The following DENND4A variants were observed in gnomAD, a reference collection of about 807,000 sequenced individuals.
DENND4A encodes the protein DENN domain containing 4A.
DENND4A carries 70 observed loss-of-function variants against 199.3 expected under a neutral mutation model. That is an observed-to-expected ratio of 0.35 (90% CI 0.29 to 0.43). DENND4A has a LOEUF of 0.43. Ranked by LOEUF, DENND4A falls within the 20% of genes least tolerant of loss-of-function variation. The probability of loss-of-function intolerance (pLI) is 1.00; values close to 1 mark genes in which losing one functional copy is unlikely to be tolerated. For synonymous variants in DENND4A, 686 were observed against 766.9 expected (o/e 0.89, Z 1.74); for missense variants, 1,723 against 2,255.8 (o/e 0.76, Z 4.78).
Position 65,731,704 on chromosome 15 carries a change from G to A in DENND4A, c.1108-4C>T. On this transcript the variant is annotated splice_polypyrimidine_tract_variant and splice_region_variant and intron_variant, in intron 8 of 32. Coordinates refer to ENST00000443035, the MANE Select transcript of DENND4A (RefSeq NM_001320835.1). The stretch of plus-strand genomic sequence containing the variant: ...TCAGATTATCATGTGGTGATAACTG[G>A]AAGAAGATTTAAAATAAAGAATTTG... 6.5e-7 allele frequency: 1 copy of A among 1,545,550 alleles called. No homozygotes were observed. The highest frequency in any genetic ancestry group is 8.7e-7 in the Non-Finnish European group (1 of 1,143,442).
intron 18 of DENND4A, 69 bp downstream of exon 18, chr15:65,701,693 T>C (rs980160674): frequency 5.5e-6 from 8 of 1,457,854 alleles, no homozygotes; most frequent in Middle Eastern, 1.8e-4. Context: ...CCTGCATAAA[T>C]TATTTCTGCC....
chr15:65,690,287 C>G, intron 23 of DENND4A, 128 bp downstream of exon 23: 7 of 963,980 alleles, frequency 7.3e-6, no homozygotes, highest in Non-Finnish European at 9.9e-6. Flanking sequence ...ACTTACAAAA[C>G]TTACATACCC....
At position 65,785,490 on chromosome 15, in the gene DENND4A, TA is replaced by T. The variant is rs745338686; in HGVS notation, c.-102+6519del. ...GGGTGACAGAGCAACATCCTGTCTC[TA>T]AAAAAAAAAAAAAAAAAAATTATTA... On this transcript the variant is annotated intron_variant, in intron 1 of 32. Transcript: ENST00000443035. Among the ~76,000 whole-genome samples, 1,092 of 121,440 alleles carry T rather than the reference TA, an allele frequency of 9.0e-3. 5 individuals carry two copies. Among genetic ancestry groups the T allele is most frequent in the African/African-American group, 0.019 (610 of 32,858 alleles). 79.7% of individuals were successfully genotyped at this position (121,440 alleles called of 152,430 possible). A position where few individuals can be genotyped will look rare whatever the true frequency, so the allele number is the denominator to read the frequency against.
At chr15:65,708,817 C>T (rs2075145172) in intron 14 of DENND4A, among the ~76,000 whole-genome samples, 2 of 152,184 alleles carry the variant, frequency 1.3e-5, no homozygotes, top group Admixed American at 6.5e-5. Flanking sequence ...CACCATCCCA[C>T]AGGAACAGAT....
At chr15:65,770,857 A>G (rs554775800) in intron 1 of DENND4A, among the ~76,000 whole-genome samples, 53 of 152,348 alleles carry the variant, frequency 3.5e-4, no homozygotes, top group African/African-American at 1.2e-3. Flanking sequence ...TTTACATGAC[A>G]AGGGAAAAAA....
chr15:65,713,520 T>C (rs564190021), intron 14 of DENND4A, among the ~76,000 whole-genome samples: 5 of 152,366 alleles, frequency 3.3e-5, no homozygotes, highest in African/African-American at 1.2e-4. Context: ...GTCATTAATA[T>C]GCATTTTGTG....
At chr15:65,689,044 C>G (rs1177360536) in intron 23 of DENND4A, among the ~76,000 whole-genome samples, 3 of 152,126 alleles carry the variant, frequency 2.0e-5, no homozygotes, top group Non-Finnish European at 4.4e-5. Context: ...AGATATCTTT[C>G]CAGTGTCTTC....
At chr15:65,717,563 C>T (rs965508818) in intron 13 of DENND4A, among the ~76,000 whole-genome samples, 1 of 152,134 alleles carries the variant, frequency 6.6e-6, no homozygotes, top group African/African-American at 2.4e-5. Flanking sequence ...AGGCTCTATA[C>T]TTTTCTTCTG....
intron 1 of DENND4A, among the ~76,000 whole-genome samples, chr15:65,782,382 G>A (rs903186255): frequency 6.6e-6 from 1 of 152,050 alleles, no homozygotes; most frequent in African/African-American, 2.4e-5. Context: ...GTACTCTAAG[G>A]ACCCTCTTTC....
intron 6 of DENND4A, 39 bp from the exon 7 acceptor site, chr15:65,737,984 A>G (rs866819874): frequency 2.0e-6 from 3 of 1,523,322 alleles, no homozygotes; most frequent in Non-Finnish European, 8.8e-7. Flanking sequence ...TATACTTTGT[A>G]TCATATATCC....
At chr15:65,731,313 A>C in intron 9 of DENND4A, 1 of 354,286 alleles carries the variant, frequency 2.8e-6, no homozygotes. Context: ...AAAAGAAAAA[A>C]TTAATTGCAT....
In DENND4A at chr15:65,700,659, C is replaced by G; in HGVS notation, c.2718G>C (p.Leu906=). The G allele has an allele frequency of 6.5e-7, 1 of 1,540,456 alleles. No individual in the cohort carries two copies. Among genetic ancestry groups the G allele is most frequent in the Non-Finnish European group, 8.7e-7 (1 of 1,143,392 alleles). ...QTTLSADGSD[L]DAVSHGSMDS... ...CCATGCTGCCATGACTAACAGCATC[C>G]AGGTCACTGCCATCTGCTTAAGAAC... Residue 906 remains leucine (L), a synonymous_variant, in exon 20 of 33, where the codon CTG becomes CTC. Coordinates refer to ENST00000443035, the MANE Select transcript of DENND4A (RefSeq NM_001320835.1).
Position 65,702,461 on chromosome 15 carries a change from C to T in DENND4A, c.2274G>A (p.Gln758=). 1 of 1,598,454 alleles carries T rather than the reference C, an allele frequency of 6.3e-7. No homozygotes were observed. The highest frequency in any genetic ancestry group is 8.5e-7 in the Non-Finnish European group (1 of 1,172,346). ...KIAKRYSSIP[Q]MWSRCLLRHC... The stretch of plus-strand genomic sequence containing the variant: ...GGCGCAGTAGACACCTAGACCACAT[C>T]TGAGGGATGGAAGAGTACCTCTTTG... The change falls in exon 17 of 33, where the codon CAG becomes CAA. Residue 758 remains glutamine (Q), a synonymous_variant. Transcript: ENST00000443035.
intron 1 of DENND4A, among the ~76,000 whole-genome samples, chr15:65,768,851 G>A (rs760722709): frequency 4.0e-5 from 6 of 151,752 alleles, no homozygotes; most frequent in African/African-American, 1.5e-4. Context: ...AAAAATAGCC[G>A]GACGTGGTGG....
chr15:65,685,027 A>G (rs2076714288), intron 23 of DENND4A, among the ~76,000 whole-genome samples: 1 of 151,498 alleles, frequency 6.6e-6, no homozygotes, highest in Admixed American at 6.6e-5. Flanking sequence ...GGGTTTCACC[A>G]TGTTAGCCAG....
At chr15:65,788,275 C>A (rs1279512903) in intron 1 of DENND4A, among the ~76,000 whole-genome samples, 1 of 152,032 alleles carries the variant, frequency 6.6e-6, no homozygotes, top group Non-Finnish European at 1.5e-5. Flanking sequence ...CAGGGTTTCA[C>A]CGTGTTAGCC....
chr15:65,741,605 G>T, intron 5 of DENND4A, 110 bp downstream of exon 5: 1 of 703,414 alleles, frequency 1.4e-6, no homozygotes, highest in South Asian at 2.2e-5. Flanking sequence ...GATACGGATT[G>T]TAGTCCCAGT....
intron 4 of DENND4A, among the ~76,000 whole-genome samples, chr15:65,751,708 CAAG>C (rs2076567298): frequency 2.0e-5 from 3 of 152,120 alleles, no homozygotes; most frequent in Non-Finnish European, 4.4e-5. Flanking sequence ...TGCACTGTTT[CAAG>C]AAGGAAGAAG....
intron 12 of DENND4A, among the ~76,000 whole-genome samples, chr15:65,720,947 T>TTTTATATA (rs1435137020): frequency 2.9e-4 from 22 of 76,260 alleles, no homozygotes; most frequent in African/African-American, 1.2e-3. Flanking sequence ...GTTTCATTGA[T>TTTTATATA]TATATATATA....
Sources: gnomAD v4.1 joint callset for allele counts (sites outside exome capture counted in the v4.1 genomes callset) on GRCh38, gnomAD v4.1.1 for gene constraint, MANE v1.5 for transcripts, NCBI Gene and HGNC (gene_info 2026-07-23, HGNC 2026-07-21) for gene names.